Variants in LPP observed in about 807,000 individuals in gnomAD.
The protein encoded by LPP is lipoma-preferred partner.
Under a neutral mutation model 60.4 loss-of-function variants are expected in LPP, and 38 were observed. That is an observed-to-expected ratio of 0.63 (90% CI 0.49 to 0.83). LPP has a LOEUF of 0.83. LPP is among the 40% of genes least tolerant of loss of function. LPP has a pLI of 0.00. For synonymous variants in LPP, 328 were observed against 290.8 expected (o/e 1.13, Z -1.30); for missense variants, 902 against 783.6 (o/e 1.15, Z -1.80).
At chr3:188,722,391 G>A (rs1436595030) in intron 8 of LPP, among the ~76,000 whole-genome samples, 1 of 152,162 alleles carries the variant, frequency 6.6e-6, no homozygotes, top group East Asian at 1.9e-4. Context: ...ATAGTCTAAT[G>A]TAGATGATAC....
Position 188,492,030 on chromosome 3 carries a change from C to T in LPP, c.306+7326C>T, listed in dbSNP as rs117066071. On this transcript the variant is annotated intron_variant, in intron 5 of 11. Coordinates refer to ENST00000617246, the MANE Select transcript of LPP (RefSeq NM_001375462.1). Reference sequence around the variant, plus strand: ...AACCTGATTACCACTGCCACCACTACCTTGAAATAATTTGTGACACATTTA... The same window carrying T: ...AACCTGATTACCACTGCCACCACTATCTTGAAATAATTTGTGACACATTTA... Among the ~76,000 whole-genome samples the T allele has an allele frequency of 3.0e-3, 457 of 152,206 alleles. 11 individuals are homozygous for T. In the East Asian group the frequency reaches 0.057, roughly 19 times the overall value.
chr3:188,232,038 C>G (rs1577422175), intron 2 of LPP, among the ~76,000 whole-genome samples: 1 of 152,180 alleles, frequency 6.6e-6, no homozygotes, highest in Non-Finnish European at 1.5e-5. Flanking sequence ...AGCCAATACC[C>G]TCTGTCTGGC....
chr3:188,321,846 T>C (rs1363879161), intron 2 of LPP, among the ~76,000 whole-genome samples: 2 of 152,248 alleles, frequency 1.3e-5, no homozygotes, highest in Non-Finnish European at 2.9e-5. Flanking sequence ...TTTGTGAAGC[T>C]ACCTTGTATT....
At chr3:188,397,877 G>A (rs1781349885) in intron 3 of LPP, among the ~76,000 whole-genome samples, 1 of 152,076 alleles carries the variant, frequency 6.6e-6, no homozygotes. Context: ...GCCTCCCAAA[G>A]TGCTGGGATT....
chr3:188,524,506 A>G (rs1281914432), intron 5 of LPP, among the ~76,000 whole-genome samples, 159 bp from the exon 6 acceptor site: 4 of 152,348 alleles, frequency 2.6e-5, no homozygotes, highest in East Asian at 3.9e-4. Context: ...TGATAATTCT[A>G]TCTCAGCCTA....
At position 188,629,034 on chromosome 3, in the gene LPP, G is replaced by T. The variant is rs77709254; in HGVS notation, c.1113+19190G>T. Reference sequence around the variant, plus strand: ...TGGTCATCTCAACAGATGCAAAAAAGGGTTTTGGTAAAATTCAACATCGCT... The same window carrying T: ...TGGTCATCTCAACAGATGCAAAAAATGGTTTTGGTAAAATTCAACATCGCT... On this transcript the variant is annotated intron_variant, in intron 7 of 11. Transcript: ENST00000617246. Among the ~76,000 whole-genome samples, 580 of 152,170 alleles carry T rather than the reference G, an allele frequency of 3.8e-3. 3 individuals are homozygous for T. Among genetic ancestry groups the T allele is most frequent in the Non-Finnish European group, 4.9e-3 (330 of 67,968 alleles).
chr3:188,617,661 T>G (rs959294656), intron 7 of LPP, among the ~76,000 whole-genome samples: 1 of 152,230 alleles, frequency 6.6e-6, no homozygotes, highest in Non-Finnish European at 1.5e-5. Flanking sequence ...AAGAAATGTC[T>G]GTGAATATTA....
At chr3:188,636,728 C>G (rs1015079450) in intron 7 of LPP, among the ~76,000 whole-genome samples, 2 of 151,990 alleles carry the variant, frequency 1.3e-5, no homozygotes, top group African/African-American at 2.4e-5. Flanking sequence ...GGCAGACTGC[C>G]TCCTCAAGTG....
chr3:188,791,360 T>A (rs562171072), intron 9 of LPP, among the ~76,000 whole-genome samples: 1 of 152,284 alleles, frequency 6.6e-6, no homozygotes, highest in Non-Finnish European at 1.5e-5. Context: ...TTAAAACTCT[T>A]CAATGAGTCC....
intron 6 of LPP, among the ~76,000 whole-genome samples, chr3:188,544,680 G>T (rs1403110748): frequency 9.9e-6 from 1 of 101,136 alleles, no homozygotes; most frequent in Non-Finnish European, 2.0e-5. Flanking sequence ...TTCAACCATT[G>T]TGGAAGTCAG....
intron 9 of LPP, among the ~76,000 whole-genome samples, chr3:188,831,874 C>T (rs1757230009): frequency 6.6e-6 from 1 of 152,158 alleles, no homozygotes; most frequent in Admixed American, 6.5e-5. Context: ...TGCTATACCA[C>T]CTCCTTCCCT....
At chr3:188,739,565 A>G (rs1248448284) in intron 8 of LPP, among the ~76,000 whole-genome samples, 1 of 152,094 alleles carries the variant, frequency 6.6e-6, no homozygotes, top group Non-Finnish European at 1.5e-5. Flanking sequence ...GTGATGGGTC[A>G]GTGTATAATT....
intron 7 of LPP, among the ~76,000 whole-genome samples, chr3:188,641,305 CAGTT>C (rs1226032994): frequency 6.6e-6 from 1 of 152,136 alleles, no homozygotes; most frequent in Admixed American, 6.5e-5. Flanking sequence ...GGAAGAATGT[CAGTT>C]AGAAGTGGTT....
At chr3:188,607,165 A>ACACACACACACACACACACACT (rs1242593405) in intron 6 of LPP, among the ~76,000 whole-genome samples, 1 of 125,366 alleles carries the variant, frequency 8.0e-6, no homozygotes, top group African/African-American at 3.0e-5. Flanking sequence ...ACACACACAC[A>ACACACACACACACACACACACT]CTATTTAAAC....
At position 188,248,312 on chromosome 3, in the gene LPP, C is replaced by T. The variant is rs1433395072; in HGVS notation, c.-67+22785C>T. 4.0e-5 allele frequency among the ~76,000 whole-genome samples: 6 copies of T among 151,270 alleles called. No individual in the cohort carries two copies. In the South Asian group the frequency reaches 8.3e-4, roughly 21 times the overall value. On this transcript the variant is annotated intron_variant, in intron 2 of 11. Transcript: ENST00000617246. ...TGCCTTCTTTTTATGCTTCTAGGAACGTTTAAAAATGAGAGCAAGGAATAT... is the reference window on the plus strand; with the variant it reads ...TGCCTTCTTTTTATGCTTCTAGGAATGTTTAAAAATGAGAGCAAGGAATAT...
At chr3:188,586,948 C>T (rs1837611748) in intron 6 of LPP, among the ~76,000 whole-genome samples, 1 of 152,140 alleles carries the variant, frequency 6.6e-6, no homozygotes, top group East Asian at 1.9e-4. Context: ...CCAGGCTGGT[C>T]TTGAACACCT....
chr3:188,355,224 G>C (rs1304952942), intron 3 of LPP, among the ~76,000 whole-genome samples: 1 of 152,108 alleles, frequency 6.6e-6, no homozygotes, highest in East Asian at 1.9e-4. Flanking sequence ...GGCCATGCTG[G>C]TCTCGAACTC....
chr3:188,387,262 A>C (rs536169225), intron 3 of LPP, among the ~76,000 whole-genome samples: 3 of 152,212 alleles, frequency 2.0e-5, no homozygotes, highest in African/African-American at 7.2e-5. Context: ...TTACCCAGAT[A>C]CAGGTGCAAT....
intron 7 of LPP, among the ~76,000 whole-genome samples, chr3:188,655,466 G>A (rs1393225133): frequency 1.3e-5 from 2 of 152,200 alleles, no homozygotes; most frequent in African/African-American, 4.8e-5. Context: ...TAGGGAGATT[G>A]CTTAATCAAT....
Sources: allele counts gnomAD v4.1 joint callset (sites outside exome capture counted in the v4.1 genomes callset), GRCh38; gene constraint gnomAD v4.1.1; transcripts MANE v1.5; gene names NCBI Gene and HGNC (gene_info 2026-07-23, HGNC 2026-07-21).